Variants in CNTN5 observed in about 807,000 individuals in gnomAD.
CNTN5 encodes contactin-5.
Under a neutral mutation model 129.1 loss-of-function variants are expected in CNTN5, and 77 were observed. The observed-to-expected ratio is 0.60, with a 90% CI of 0.50 to 0.72. The LOEUF (loss-of-function observed/expected upper bound fraction) is 0.72. Among genes scored for constraint, CNTN5 ranks in the 30% least tolerant of loss-of-function variants. The probability of loss-of-function intolerance (pLI) is 0.00; values close to 1 mark genes in which losing one functional copy is unlikely to be tolerated. For missense variants in CNTN5, 1,478 were observed against 1,328.8 expected (o/e 1.11, Z -1.75); for synonymous variants, 509 against 465.6 (o/e 1.09, Z -1.20).
intron 3 of CNTN5, among the ~76,000 whole-genome samples, chr11:99,734,988 A>G (rs1400543535): frequency 6.7e-6 from 1 of 150,012 alleles, no homozygotes; most frequent in Non-Finnish European, 1.5e-5. Flanking sequence ...GCCCTGGGGG[A>G]AAGAGCGAGA....
intron 1 of CNTN5, among the ~76,000 whole-genome samples, chr11:99,296,353 T>C (rs1423137041): frequency 6.6e-6 from 1 of 152,146 alleles, no homozygotes; most frequent in Non-Finnish European, 1.5e-5. Flanking sequence ...AGATAGTCTT[T>C]CTCTGATGTT....
At chr11:99,251,997 CT>C (rs1294182539) in intron 1 of CNTN5, among the ~76,000 whole-genome samples, 2 of 151,942 alleles carry the variant, frequency 1.3e-5, no homozygotes, top group African/African-American at 4.8e-5. Context: ...ATTTCTTTCT[CT>C]TTCAAATTGC....
chr11:99,695,616 G>A (rs980308622), intron 3 of CNTN5, among the ~76,000 whole-genome samples: 10 of 151,990 alleles, frequency 6.6e-5, no homozygotes, highest in Non-Finnish European at 1.3e-4. Context: ...GGCCAGGCAC[G>A]GTGGCTGACA....
intron 1 of CNTN5, among the ~76,000 whole-genome samples, chr11:99,090,815 G>A (rs6589890): frequency 0.022 from 3,287 of 151,364 alleles, 127 homozygotes; most frequent in African/African-American, 0.077. Flanking sequence ...GAGGTCAGGA[G>A]ATGGAGACCA....
chr11:100,300,144 T>G (rs1260006914), intron 20 of CNTN5, among the ~76,000 whole-genome samples: 2 of 151,414 alleles, frequency 1.3e-5, no homozygotes, highest in Non-Finnish European at 3.0e-5. Context: ...TACAGATGAG[T>G]AAACTGTAAA....
At chr11:99,400,992 A>G (rs1428946337) in intron 2 of CNTN5, among the ~76,000 whole-genome samples, 5 of 152,054 alleles carry the variant, frequency 3.3e-5, no homozygotes, top group African/African-American at 1.2e-4. Flanking sequence ...CCTTTGTCAG[A>G]TGGGTAGTTT....
At chr11:99,162,829 C>T (rs1001721679) in intron 1 of CNTN5, among the ~76,000 whole-genome samples, 2 of 152,136 alleles carry the variant, frequency 1.3e-5, no homozygotes, top group Non-Finnish European at 2.9e-5. Context: ...AATAAATGAT[C>T]AGTGAATGTG....
intron 3 of CNTN5, among the ~76,000 whole-genome samples, chr11:99,570,278 C>T (rs1338591520): frequency 6.6e-6 from 1 of 152,122 alleles, no homozygotes; most frequent in Non-Finnish European, 1.5e-5. Flanking sequence ...TCAGAAAGAA[C>T]TATTTCAACC....
chr11:100,034,682 C>T (rs1229492215), intron 9 of CNTN5, among the ~76,000 whole-genome samples: 3 of 152,194 alleles, frequency 2.0e-5, no homozygotes, highest in East Asian at 3.9e-4. Context: ...TGGTTGCTTT[C>T]ACTCTACAAT....
At chr11:100,041,919 C>T (rs1316506567) in intron 9 of CNTN5, among the ~76,000 whole-genome samples, 1 of 152,172 alleles carries the variant, frequency 6.6e-6, no homozygotes, top group African/African-American at 2.4e-5. Flanking sequence ...TGAGTTAATA[C>T]ATAATCACAC....
At chr11:99,744,711 C>T (rs549281473) in intron 3 of CNTN5, among the ~76,000 whole-genome samples, 1 of 141,118 alleles carries the variant, frequency 7.1e-6, no homozygotes, top group Non-Finnish European at 1.5e-5. Flanking sequence ...CAGGGTAAGA[C>T]CCTGTCTCAG....
At chr11:100,341,664 C>A (rs1372032517) in intron 23 of CNTN5, among the ~76,000 whole-genome samples, 2 of 152,156 alleles carry the variant, frequency 1.3e-5, no homozygotes, top group Non-Finnish European at 2.9e-5. Flanking sequence ...CAGGGAGAGA[C>A]ACAGCAAGCT....
At chr11:99,500,328 A>G (rs983143934) in intron 2 of CNTN5, among the ~76,000 whole-genome samples, 3 of 152,174 alleles carry the variant, frequency 2.0e-5, no homozygotes, top group Non-Finnish European at 2.9e-5. Context: ...AATTAATTCC[A>G]ATGATACCTT....
intron 17 of CNTN5, among the ~76,000 whole-genome samples, chr11:100,267,143 A>G (rs576225757): frequency 6.6e-6 from 1 of 152,166 alleles, no homozygotes; most frequent in South Asian, 2.1e-4. Flanking sequence ...GGCTGCTATA[A>G]CAAAATTCCA....
intron 9 of CNTN5, among the ~76,000 whole-genome samples, chr11:100,006,610 A>G (rs187200737): frequency 2.0e-4 from 31 of 152,114 alleles, no homozygotes; most frequent in African/African-American, 6.0e-4. Context: ...TTCCTGTTCC[A>G]CTTCTAGTTC....
intron 1 of CNTN5, among the ~76,000 whole-genome samples, chr11:99,131,740 A>G (rs938068591): frequency 1.3e-5 from 2 of 152,166 alleles, no homozygotes; most frequent in East Asian, 3.9e-4. Context: ...ACAAGTTCTG[A>G]AATTCAGGTG....
chr11:99,762,598 G>A (rs914550549), intron 3 of CNTN5, among the ~76,000 whole-genome samples: 1 of 152,046 alleles, frequency 6.6e-6, no homozygotes, highest in African/African-American at 2.4e-5. Flanking sequence ...TTATTTCTGA[G>A]GGCTCTGTTC....
At chr11:99,480,041 T>C (rs757654510) in intron 2 of CNTN5, among the ~76,000 whole-genome samples, 3 of 152,126 alleles carry the variant, frequency 2.0e-5, no homozygotes, top group Non-Finnish European at 4.4e-5. Flanking sequence ...AAAATATAGA[T>C]AACAGATGGC....
chr11:100,235,474 C>T (rs1229713949), intron 16 of CNTN5, among the ~76,000 whole-genome samples: 2 of 152,056 alleles, frequency 1.3e-5, no homozygotes, highest in East Asian at 1.9e-4. Context: ...GAGGAGGAGG[C>T]GGTAAGGTAG....
Sources: allele counts gnomAD v4.1 joint callset (sites outside exome capture counted in the v4.1 genomes callset), GRCh38; gene constraint gnomAD v4.1.1; transcripts MANE v1.5; gene names NCBI Gene and HGNC (gene_info 2026-07-23, HGNC 2026-07-21).